FRAS1: variants seen among roughly 807,000 people sequenced by gnomAD.
FRAS1 encodes the protein extracellular matrix organizing protein FRAS1.
Under a neutral mutation model 435.2 loss-of-function variants are expected in FRAS1, and 290 were observed. That is an observed-to-expected ratio of 0.67 (90% confidence interval 0.61 to 0.73). FRAS1 has a LOEUF of 0.73. Among genes scored for constraint, FRAS1 ranks in the 30% least tolerant of loss-of-function variants. The pLI is 0.00. For synonymous variants in FRAS1, 1,800 were observed against 1,851.0 expected, an observed-to-expected ratio of 0.97 and a Z score of 0.71; for missense variants, 4,860 against 5,001.5, an observed-to-expected ratio of 0.97 and a Z score of 0.85.
intron 20 of FRAS1, among the ~76,000 whole-genome samples, chr4:78,339,560 A>G (rs1310404381): frequency 6.6e-6 from 1 of 152,208 alleles, no homozygotes; most frequent in Non-Finnish European, 1.5e-5. Context: ...AAGAATAACC[A>G]GGATCCTGTG....
At chr4:78,415,621 C>T (rs1378495895) in intron 32 of FRAS1, among the ~76,000 whole-genome samples, 1 of 152,138 alleles carries the variant, frequency 6.6e-6, no homozygotes, top group African/African-American at 2.4e-5. Context: ...GAGAACACGA[C>T]ATATTTGAAG....
At chr4:78,211,322 A>G (rs2110085144) in intron 2 of FRAS1, among the ~76,000 whole-genome samples, 1 of 152,298 alleles carries the variant, frequency 6.6e-6, no homozygotes, top group Admixed American at 6.5e-5. Flanking sequence ...CCTTATGGAG[A>G]AATGCCATCT....
intron 2 of FRAS1, chr4:78,182,002 GT>G (rs1722032032): frequency 6.4e-7 from 1 of 1,559,662 alleles, no homozygotes; most frequent in Non-Finnish European, 8.6e-7. Context: ...GGTCGAATCG[GT>G]TGGTGACCAC....
chr4:78,448,691 T>A, intron 44 of FRAS1, among the ~76,000 whole-genome samples: 1 of 152,212 alleles, frequency 6.6e-6, no homozygotes, highest in Admixed American at 6.5e-5. Flanking sequence ...TATAGCAGAA[T>A]TTTTAAGACG....
At chr4:78,443,398 C>G (rs920218024) in intron 41 of FRAS1, among the ~76,000 whole-genome samples, 1 of 152,184 alleles carries the variant, frequency 6.6e-6, no homozygotes, top group Non-Finnish European at 1.5e-5. Flanking sequence ...CAGAACCTAG[C>G]TGATCAGAAA....
chr4:78,118,355 G>A (rs943274385), intron 2 of FRAS1, among the ~76,000 whole-genome samples: 3 of 152,106 alleles, frequency 2.0e-5, no homozygotes, highest in Non-Finnish European at 4.4e-5. Context: ...TCTCCTCAAC[G>A]CTGTCAGACA....
At chr4:78,252,693 A>G in intron 5 of FRAS1, 142 bp downstream of exon 5, 1 of 843,968 alleles carries the variant, frequency 1.2e-6, no homozygotes, top group Non-Finnish European at 1.8e-6. Flanking sequence ...AAAGAGTACA[A>G]AGAGAGGAAT....
intron 13 of FRAS1, chr4:78,286,143 C>T (rs896254072): frequency 7.0e-6 from 4 of 571,060 alleles, no homozygotes; most frequent in South Asian, 1.6e-5. Flanking sequence ...GTCTGTTCCT[C>T]ATCTGTAAAG....
intron 2 of FRAS1, among the ~76,000 whole-genome samples, chr4:78,140,801 T>C (rs66631138): frequency 0.16 from 24,162 of 150,960 alleles, 2,175 homozygotes; most frequent in Admixed American, 0.2. Flanking sequence ...TGTATATATA[T>C]GATGGAATAC....
chr4:78,363,740 C>G lies in FRAS1; in HGVS notation c.2575+75C>G, dbSNP rs1336212903. 14 of 1,502,008 alleles carry G rather than the reference C, an allele frequency of 9.3e-6. No individual in the cohort carries two copies. In the East Asian group the frequency reaches 2.9e-4, roughly 32 times the overall value. 93.0% of individuals were successfully genotyped at this position (1,502,008 alleles called of 1,614,324 possible). On this transcript the variant is annotated intron_variant, in intron 21 of 73. Transcript: ENST00000512123. ...TGGGGCAGTAGCTGGGAAGGATCAA[C>G]CTTTCCTAAGAGAGAGTGGAGGCAG... is the stretch of plus-strand genomic sequence containing the variant.
At position 78,429,249 on chromosome 4, in the gene FRAS1, A is replaced by C. The variant is rs563912086; in HGVS notation, c.4843+23A>C. 64 of 1,593,460 alleles carry C rather than the reference A, an allele frequency of 4.0e-5. No individual in the cohort carries two copies. The South Asian group carries it at 6.6e-4, about 17-fold the overall frequency. On this transcript the variant is annotated intron_variant, in intron 36 of 73. Transcript: ENST00000512123. Reference sequence around the variant, plus strand: ...TAGGTAAGAACTGGGAGCCTGATAGAAACATGGCTTTGGAAATGGGATCAT... The same window carrying C: ...TAGGTAAGAACTGGGAGCCTGATAGCAACATGGCTTTGGAAATGGGATCAT...
chr4:78,196,196 A>AC (rs1187030865), intron 2 of FRAS1, among the ~76,000 whole-genome samples: 1 of 151,810 alleles, frequency 6.6e-6, no homozygotes, highest in Non-Finnish European at 1.5e-5. Flanking sequence ...TTTAGTAGAG[A>AC]TGGGGTTTCA....
chr4:78,492,627 C>T (rs1215774300), intron 59 of FRAS1, among the ~76,000 whole-genome samples: 1 of 152,276 alleles, frequency 6.6e-6, no homozygotes, highest in South Asian at 2.1e-4. Context: ...CTTCCTTACA[C>T]CTTATACAAA....
chr4:78,258,964 T>C (rs1725937761), intron 6 of FRAS1, among the ~76,000 whole-genome samples: 1 of 135,966 alleles, frequency 7.4e-6, no homozygotes, highest in South Asian at 2.6e-4. Context: ...GTGTTTGGTT[T>C]TTTGTTCTTG....
chr4:78,437,573 G>A (rs1456533183), intron 38 of FRAS1, among the ~76,000 whole-genome samples: 1 of 152,104 alleles, frequency 6.6e-6, no homozygotes, highest in Non-Finnish European at 1.5e-5. Flanking sequence ...AGGTCTCTGG[G>A]GATAGAAATG....
rs1189170433 is a variant in FRAS1 at position 78,363,998 on chromosome 4, C to T, written c.2666C>T (p.Thr889Ile). ...DTNLVLSHTGTCSTTCFPGHY... is the reference protein window; with the variant it reads ...DTNLVLSHTGICSTTCFPGHY... Reference sequence around the variant, plus strand: ...AACCTCGTGCTGTCCCACACTGGCACCTGCAGCACCACCTGCTTCCCTGGG... The same window carrying T: ...AACCTCGTGCTGTCCCACACTGGCATCTGCAGCACCACCTGCTTCCCTGGG... Residue 889 changes from threonine (T) to isoleucine (I), a missense_variant, in exon 22 of 74, where the codon ACC becomes ATC. Transcript: ENST00000512123. 4 of 1,609,336 alleles carry T rather than the reference C, an allele frequency of 2.5e-6. No homozygotes were observed. Among genetic ancestry groups the T allele is most frequent in the East Asian group, 2.2e-5 (1 of 44,734 alleles).
intron 30 of FRAS1, among the ~76,000 whole-genome samples, chr4:78,405,131 G>A (rs1733050314): frequency 6.6e-6 from 1 of 152,150 alleles, no homozygotes; most frequent in East Asian, 1.9e-4. Context: ...CTGTTAATCT[G>A]TATGACATGA....
At chr4:78,466,107 T>C in intron 49 of FRAS1, 101 bp from the exon 50 acceptor site, 1 of 834,710 alleles carries the variant, frequency 1.2e-6, no homozygotes, top group South Asian at 1.6e-5. Context: ...TTTATCAATG[T>C]CTTTGGGTTC....
intron 70 of FRAS1, among the ~76,000 whole-genome samples, chr4:78,531,750 T>C (rs759841486): frequency 1.1e-4 from 17 of 152,170 alleles, no homozygotes; most frequent in Non-Finnish European, 1.9e-4. Context: ...CCTACCAGCA[T>C]GTATCTGTGC....
Sources: gnomAD v4.1 joint callset for allele counts (sites outside exome capture counted in the v4.1 genomes callset) on GRCh38, gnomAD v4.1.1 for gene constraint, MANE v1.5 for transcripts, NCBI Gene and HGNC (gene_info 2026-07-23, HGNC 2026-07-21) for gene names.